Variants in ERP44 observed in about 807,000 individuals in gnomAD.
The protein encoded by ERP44 is endoplasmic reticulum resident protein 44.
A neutral mutation model predicts 53.4 loss-of-function variants in ERP44; 25 were observed. The ratio of observed to expected loss-of-function variants is 0.47; its 90% confidence interval spans 0.34 to 0.65. The LOEUF (loss-of-function observed/expected upper bound fraction) is 0.65. Among genes scored for constraint, ERP44 ranks in the 30% least tolerant of loss-of-function variants. The probability of loss-of-function intolerance (pLI) is 0.01; values close to 1 mark genes in which losing one functional copy is unlikely to be tolerated. For missense variants in ERP44, 338 were observed against 493.2 expected (o/e 0.69, Z 2.98); for synonymous variants, 145 against 161.2 (o/e 0.90, Z 0.76).
At chr9:100,055,945 C>T (rs139226807) in intron 3 of ERP44, among the ~76,000 whole-genome samples, 10 of 152,330 alleles carry the variant, frequency 6.6e-5, no homozygotes, top group East Asian at 5.8e-4. Flanking sequence ...CTATGTCTTA[C>T]AGCCAATTAC....
At chr9:100,057,936 C>A (rs1826102579) in intron 2 of ERP44, 77 bp from the exon 3 acceptor site, 4 of 1,172,940 alleles carry the variant, frequency 3.4e-6, no homozygotes, top group Admixed American at 2.0e-5. Context: ...TCATTATGAT[C>A]TTTGTCCAAT....
chr9:100,026,282 G>C (rs1008612971), intron 4 of ERP44, among the ~76,000 whole-genome samples: 2 of 152,182 alleles, frequency 1.3e-5, no homozygotes, highest in South Asian at 4.1e-4. Flanking sequence ...ACTTTGGAAA[G>C]GACCTGCAAC....
In ERP44 at chr9:100,072,397, T is replaced by C. The variant is rs117607753; in HGVS notation, c.58-12225A>G. On this transcript the variant is annotated intron_variant, in intron 1 of 11. Coordinates refer to ENST00000262455, the MANE Select transcript of ERP44 (RefSeq NM_015051.3). Reference sequence around the variant, plus strand: ...AAGTAAGCATTGGCACAATTAGGAATATACTGTTTACTTTAATCCTCAAAA... The same window carrying C: ...AAGTAAGCATTGGCACAATTAGGAACATACTGTTTACTTTAATCCTCAAAA... 2.1e-3 allele frequency among the ~76,000 whole-genome samples: 316 copies of C among 152,238 alleles called. 1 individual carries two copies. The highest frequency in any genetic ancestry group is 3.4e-3 in the Non-Finnish European group (228 of 68,028).
Position 100,071,781 on chromosome 9 carries a change from C to T in ERP44, c.58-11609G>A, listed in dbSNP as rs1005345835. ...CTAAAAATACAAAAAATTAGCTGGGCGTGGTTGCGGATGCCTGTAATCCCA... is the reference window on the plus strand; with the variant it reads ...CTAAAAATACAAAAAATTAGCTGGGTGTGGTTGCGGATGCCTGTAATCCCA... On this transcript the variant is annotated intron_variant, in intron 1 of 11. Transcript: ENST00000262455. Among the ~76,000 whole-genome samples, 32 of 151,960 alleles carry T rather than the reference C, an allele frequency of 2.1e-4. 1 individual carries two copies. Among genetic ancestry groups the T allele is most frequent in the Admixed American group, 6.5e-5 (1 of 15,270 alleles).
intron 4 of ERP44, among the ~76,000 whole-genome samples, chr9:100,046,850 C>T (rs1460066117): frequency 6.6e-6 from 1 of 152,104 alleles, no homozygotes; most frequent in African/African-American, 2.4e-5. Flanking sequence ...AAGTTGAAAG[C>T]TTTACCTGAC....
At chr9:100,018,429 C>T in intron 6 of ERP44, 116 bp from the exon 7 acceptor site, 1 of 678,750 alleles carries the variant, frequency 1.5e-6, no homozygotes, top group Non-Finnish European at 2.7e-6. Flanking sequence ...CTATGCAATA[C>T]CAAGAAAAGT....
At position 100,098,946 on chromosome 9, in the gene ERP44, G is replaced by A. The variant is rs1826705090; in HGVS notation, c.-106C>T. ...GCTCCGGGAGCCGACGGCAGCGGAGGATTCTCCAGGCAGCGGCACCTCGTC... is the reference window on the plus strand; with the variant it reads ...GCTCCGGGAGCCGACGGCAGCGGAGAATTCTCCAGGCAGCGGCACCTCGTC... On this transcript the variant is annotated 5_prime_UTR_variant, in exon 1 of 12. Coordinates refer to ENST00000262455, the MANE Select transcript of ERP44 (RefSeq NM_015051.3). 1.2e-6 allele frequency: 1 copy of A among 861,590 alleles called. No homozygotes were observed. The highest frequency in any genetic ancestry group is 1.9e-6 in the Non-Finnish European group (1 of 530,412). 53.4% of individuals were successfully genotyped at this position (861,590 alleles called of 1,614,324 possible).
At chr9:100,008,294 C>G (rs973853292) in intron 8 of ERP44, among the ~76,000 whole-genome samples, 1 of 152,066 alleles carries the variant, frequency 6.6e-6, no homozygotes, top group Non-Finnish European at 1.5e-5. Flanking sequence ...TTAATAAATA[C>G]CTACCCCTAT....
chr9:100,059,103 A>T (rs918820020), intron 2 of ERP44, among the ~76,000 whole-genome samples: 6 of 152,218 alleles, frequency 3.9e-5, no homozygotes, highest in African/African-American at 1.4e-4. Context: ...ACTCCTCTAA[A>T]GAGACTCCAT....
In ERP44 at chr9:99,981,063, T is replaced by G. The variant is rs957931479; in HGVS notation, c.*1549A>C. 6.6e-6 allele frequency: 1 copy of G among 152,186 alleles called. No homozygotes were observed. The highest frequency in any genetic ancestry group is 6.5e-5 in the Admixed American group (1 of 15,288). The allele number at this position is 152,186 out of a possible 1,614,324, so 9.4% of individuals were successfully genotyped here. A position where few individuals can be genotyped will look rare whatever the true frequency, so the allele number is the denominator to read the frequency against. On this transcript the variant is annotated 3_prime_UTR_variant, in exon 12 of 12. Transcript: ENST00000262455. The stretch of plus-strand genomic sequence containing the variant: ...TGACCCTCACAGATCTGGTCCATAA[T>G]CTAACCTGAAGACCATAACTCTAAC...
chr9:100,093,636 CT>C (rs1826587953), intron 1 of ERP44, among the ~76,000 whole-genome samples: 1 of 151,590 alleles, frequency 6.6e-6, no homozygotes, highest in African/African-American at 2.4e-5. Flanking sequence ...CAGCAAGACC[CT>C]GTCTGTGGGG....
chr9:100,076,726 CA>C (rs1415871013), intron 1 of ERP44, among the ~76,000 whole-genome samples: 2 of 152,170 alleles, frequency 1.3e-5, no homozygotes, highest in East Asian at 3.9e-4. Context: ...TTTGAGTGGT[CA>C]AAAATTGTGA....
rs942367034 is a variant in ERP44 at position 99,980,286 on chromosome 9, T to C, written c.*2326A>G. On this transcript the variant is annotated 3_prime_UTR_variant, in exon 12 of 12. Coordinates refer to ENST00000262455, the MANE Select transcript of ERP44 (RefSeq NM_015051.3). ...GCAGAAATAATGCTTTATTCAGCTT[T>C]ACATCTTTCATCATATACTACAGCA... The C allele has an allele frequency of 4.0e-5, 15 of 379,454 alleles. No homozygotes were observed. The highest frequency in any genetic ancestry group is 7.0e-5 in the Non-Finnish European group (15 of 214,296). The allele number at this position is 379,454 out of a possible 1,614,324, so 23.5% of individuals were successfully genotyped here.
chr9:99,987,902 G>A (rs1564083423), intron 10 of ERP44, among the ~76,000 whole-genome samples: 1 of 152,110 alleles, frequency 6.6e-6, no homozygotes, highest in Non-Finnish European at 1.5e-5. Context: ...TCCATTCAAG[G>A]ACATTCAAGT....
At chr9:100,054,730 T>C (rs1380584102) in intron 3 of ERP44, among the ~76,000 whole-genome samples, 11 of 152,124 alleles carry the variant, frequency 7.2e-5, no homozygotes, top group Non-Finnish European at 2.9e-5. Context: ...ACTTCTGGTC[T>C]CAAGTATTTC....
In ERP44 at chr9:100,062,197, A is replaced by T. The variant is rs184810415; in HGVS notation, c.58-2025T>A. Reference sequence around the variant, plus strand: ...TGTACATCAACCTATGAATAAAAATAAAGTTTTTCCCACTTCTTTGGGTTG... The same window carrying T: ...TGTACATCAACCTATGAATAAAAATTAAGTTTTTCCCACTTCTTTGGGTTG... On this transcript the variant is annotated intron_variant, in intron 1 of 11. Transcript: ENST00000262455. Among the ~76,000 whole-genome samples the T allele has an allele frequency of 3.5e-4, 54 of 152,314 alleles. 1 individual carries two copies. The highest frequency in any genetic ancestry group is 3.3e-3 in the Admixed American group (51 of 15,298).
intron 1 of ERP44, among the ~76,000 whole-genome samples, chr9:100,077,734 G>A (rs1032385731): frequency 2.0e-5 from 3 of 152,236 alleles, no homozygotes; most frequent in African/African-American, 4.8e-5. Flanking sequence ...GCTAAGAAGG[G>A]AGGTACAGTG....
At chr9:99,991,075 T>C (rs1830248928) in intron 10 of ERP44, among the ~76,000 whole-genome samples, 1 of 152,194 alleles carries the variant, frequency 6.6e-6, no homozygotes, top group Admixed American at 6.5e-5. Flanking sequence ...TGGGAGGCTT[T>C]AACACCCCAC....
intron 4 of ERP44, among the ~76,000 whole-genome samples, chr9:100,027,555 T>G (rs142896605): frequency 6.6e-6 from 1 of 152,276 alleles, no homozygotes; most frequent in East Asian, 1.9e-4. Flanking sequence ...GTTTTTAAAA[T>G]TAACTGGATA....
Sources: allele counts gnomAD v4.1 joint callset (sites outside exome capture counted in the v4.1 genomes callset), GRCh38; gene constraint gnomAD v4.1.1; transcripts MANE v1.5; gene names NCBI Gene and HGNC (gene_info 2026-07-23, HGNC 2026-07-21).